MYO5B: variants seen among roughly 807,000 people sequenced by gnomAD.
The protein encoded by MYO5B is unconventional myosin-Vb.
Under a neutral mutation model 229.3 loss-of-function variants are expected in MYO5B, and 143 were observed. That is an observed-to-expected ratio of 0.62 (90% CI 0.54 to 0.72). MYO5B has a LOEUF of 0.72. MYO5B is among the 30% of genes least tolerant of loss of function. The pLI is 0.00. For missense variants in MYO5B, 2,321 were observed against 2,331.0 expected (o/e 1.00, Z 0.09); for synonymous variants, 918 against 885.2 (o/e 1.04, Z -0.66).
intron 10 of MYO5B, among the ~76,000 whole-genome samples, chr18:49,973,611 A>T (rs1261018725): frequency 6.6e-6 from 1 of 152,198 alleles, no homozygotes; most frequent in Non-Finnish European, 1.5e-5. Flanking sequence ...TGTTAACTTC[A>T]AACAAGGACC....
At chr18:49,945,827 G>A (rs998132459) in intron 14 of MYO5B, among the ~76,000 whole-genome samples, 5 of 152,184 alleles carry the variant, frequency 3.3e-5, no homozygotes, top group African/African-American at 9.6e-5. Context: ...CCAAGACACA[G>A]GTAAGAAAGG....
chr18:50,190,279 GGT>G (rs1306508058), intron 1 of MYO5B, among the ~76,000 whole-genome samples: 44 of 152,284 alleles, frequency 2.9e-4, no homozygotes, highest in African/African-American at 9.4e-4. Flanking sequence ...ATGATGAAAT[GGT>G]ATTCACCATG....
intron 5 of MYO5B, among the ~76,000 whole-genome samples, chr18:49,995,545 A>G (rs1004779800): frequency 3.9e-5 from 6 of 152,020 alleles, no homozygotes; most frequent in African/African-American, 1.4e-4. Context: ...ATCCTCACTT[A>G]TATCTTTTTA....
chr18:49,926,903 G>A (rs2025134026), intron 17 of MYO5B, among the ~76,000 whole-genome samples: 1 of 152,116 alleles, frequency 6.6e-6, no homozygotes, highest in Non-Finnish European at 1.5e-5. Context: ...TATACTAACT[G>A]AAATAAGCCA....
intron 27 of MYO5B, among the ~76,000 whole-genome samples, chr18:49,867,320 T>A (rs1022115159): frequency 6.6e-6 from 1 of 152,196 alleles, no homozygotes; most frequent in Non-Finnish European, 1.5e-5. Context: ...GTGTGTCATC[T>A]ATTGAGACAA....
intron 1 of MYO5B, among the ~76,000 whole-genome samples, chr18:50,124,945 G>A (rs2032133148): frequency 2.1e-5 from 1 of 47,512 alleles, no homozygotes; most frequent in African/African-American, 5.4e-5. Context: ...AGAGACTACA[G>A]TATGGAAACC....
At chr18:50,109,960 G>A (rs2031836133) in intron 1 of MYO5B, among the ~76,000 whole-genome samples, 1 of 152,100 alleles carries the variant, frequency 6.6e-6, no homozygotes, top group African/African-American at 2.4e-5. Context: ...CCTTGCAGCA[G>A]CCTCAAAGGC....
intron 10 of MYO5B, among the ~76,000 whole-genome samples, chr18:49,964,012 T>G (rs746946724): frequency 2.0e-5 from 3 of 152,202 alleles, no homozygotes; most frequent in Non-Finnish European, 2.9e-5. Context: ...AGATGCATCA[T>G]CATTTAACCA....
intron 1 of MYO5B, among the ~76,000 whole-genome samples, chr18:50,095,607 G>C (rs1280218568): frequency 6.6e-6 from 1 of 152,220 alleles, no homozygotes; most frequent in African/African-American, 2.4e-5. Flanking sequence ...GCCCCATTGT[G>C]AATAAGGATG....
At chr18:49,907,027 A>C (rs899416512) in intron 18 of MYO5B, among the ~76,000 whole-genome samples, 4 of 152,220 alleles carry the variant, frequency 2.6e-5, no homozygotes, top group African/African-American at 9.6e-5. Context: ...GCAAAGACCT[A>C]AATGAGCTGA....
intron 9 of MYO5B, among the ~76,000 whole-genome samples, chr18:49,975,224 C>T (rs2025737150): frequency 6.6e-6 from 1 of 152,228 alleles, no homozygotes; most frequent in African/African-American, 2.4e-5. Context: ...AAGCCCCAGG[C>T]TCCTAAGGTG....
At chr18:50,188,724 T>C (rs1348575464) in intron 1 of MYO5B, among the ~76,000 whole-genome samples, 2 of 141,108 alleles carry the variant, frequency 1.4e-5, no homozygotes, top group Non-Finnish European at 3.0e-5. Context: ...GAGGCAGAGG[T>C]TGCAGTGAGC....
chr18:49,895,142 C>A lies in MYO5B; in HGVS notation c.2844G>T (p.Leu948Phe). 6.2e-7 allele frequency: 1 copy of A among 1,614,078 alleles called. No homozygotes were observed. Among genetic ancestry groups the A allele is most frequent in the Non-Finnish European group, 8.5e-7 (1 of 1,180,032 alleles). ...TGGTGTATGTTGAGGTGGTCACGGACAACTGCTCTGAAAGTGTCTTGAACT... is the reference window on the plus strand; with the variant it reads ...TGGTGTATGTTGAGGTGGTCACGGAAAACTGCTCTGAAAGTGTCTTGAACT... Reference protein sequence around the residue: ...NKEFKTLSEQLSVTTSTYTME... With the variant: ...NKEFKTLSEQFSVTTSTYTME... The change falls in exon 22 of 40, where the codon TTG (leucine) becomes TTT (phenylalanine). Residue 948 changes from leucine to phenylalanine, a missense_variant. Leu to Phe is a conservative substitution (Grantham distance 22, BLOSUM62 0). Transcript: ENST00000285039.
chr18:50,189,335 A>G (rs1376021994), intron 1 of MYO5B, among the ~76,000 whole-genome samples: 1 of 152,198 alleles, frequency 6.6e-6, no homozygotes, highest in African/African-American at 2.4e-5. Context: ...TGTGATACTA[A>G]GGAAAGTCCC....
In MYO5B at chr18:50,083,398, T is replaced by C. The variant is rs1216781194; in HGVS notation, c.28-28020A>G. 3.3e-5 allele frequency among the ~76,000 whole-genome samples: 5 copies of C among 152,336 alleles called. No individual in the cohort carries two copies. In the East Asian group the frequency reaches 7.7e-4, roughly 24 times the overall value. On this transcript the variant is annotated intron_variant, in intron 1 of 39. Coordinates refer to ENST00000285039, the MANE Select transcript of MYO5B (RefSeq NM_001080467.3). The stretch of plus-strand genomic sequence containing the variant: ...TGGGACAATTCCAACCCTCTAATCA[T>C]GCCTTGGTCTCTCCGACATTCAGCC...
At chr18:49,969,383 A>C (rs2025662635) in intron 10 of MYO5B, among the ~76,000 whole-genome samples, 1 of 152,242 alleles carries the variant, frequency 6.6e-6, no homozygotes, top group Non-Finnish European at 1.5e-5. Flanking sequence ...GGGTCTAAGA[A>C]GTTTACTTAA....
rs377364712 is a variant in MYO5B at position 49,835,355 on chromosome 18, G to A, written c.5383C>T (p.Arg1795Ter). The change falls in exon 39 of 40, where the codon CGA becomes TGA. Residue 1795 changes from arginine to a stop codon, truncating the protein, a stop_gained. Transcript: ENST00000285039. LOFTEE classifies it high-confidence loss of function. ...FEERVTVAFIRTIQAQLQERN... is the reference protein window; with the variant it reads ...FEERVTVAFI ...ATCTTAAAACTCACCTGGATTGTTC[G>A]TATAAAGGCCACTGTTACCCGTTCT... 5.6e-6 allele frequency: 9 copies of A among 1,607,860 alleles called. No individual in the cohort carries two copies. The highest frequency in any genetic ancestry group is 1.1e-5 in the South Asian group (1 of 90,912).
intron 7 of MYO5B, 126 bp downstream of exon 7, chr18:49,990,313 A>AT: frequency 1.3e-6 from 1 of 741,016 alleles, no homozygotes; most frequent in East Asian, 2.8e-5. Context: ...CCTAGGGGTT[A>AT]TGGCCACATA....
At chr18:50,037,988 C>T (rs1224195533) in intron 3 of MYO5B, among the ~76,000 whole-genome samples, 2 of 152,170 alleles carry the variant, frequency 1.3e-5, no homozygotes, top group African/African-American at 2.4e-5. Context: ...TTTTCCCTTA[C>T]ACCTTGTGTC....
Sources: gnomAD v4.1 joint callset for allele counts (sites outside exome capture counted in the v4.1 genomes callset) on GRCh38, gnomAD v4.1.1 for gene constraint, MANE v1.5 for transcripts, NCBI Gene and HGNC (gene_info 2026-07-23, HGNC 2026-07-21) for gene names.